The following HAUS2 variants were observed in gnomAD, a reference collection of about 807,000 sequenced individuals.
HAUS2 encodes the protein HAUS augmin-like complex subunit 2.
Under a neutral mutation model 21.6 loss-of-function variants are expected in HAUS2, and 20 were observed. That is an observed-to-expected ratio of 0.93 (90% CI 0.65 to 1.35). The LOEUF is 1.35. Among genes scored for constraint, HAUS2 ranks in the 40% most tolerant of loss-of-function variants. The pLI, the probability that HAUS2 is intolerant of heterozygous loss-of-function variation, is 0.00. For missense variants in HAUS2, 297 were observed against 280.7 expected (o/e 1.06, Z -0.42); for synonymous variants, 113 against 95.6 (o/e 1.18, Z -1.06).
At chr15:42,549,351 T>G (rs2057695571) in intron 1 of HAUS2, among the ~76,000 whole-genome samples, 1 of 151,960 alleles carries the variant, frequency 6.6e-6, no homozygotes. Flanking sequence ...ACAACCCTCG[T>G]TTGTGGGAAG....
chr15:42,551,366 T>A (rs1185676560), intron 1 of HAUS2, among the ~76,000 whole-genome samples: 1 of 152,008 alleles, frequency 6.6e-6, no homozygotes, highest in Non-Finnish European at 1.5e-5. Context: ...AGAAAACATT[T>A]TTGAGGGTTC....
intron 3 of HAUS2, among the ~76,000 whole-genome samples, chr15:42,560,202 G>A (rs1328878888): frequency 1.3e-5 from 2 of 152,130 alleles, no homozygotes; most frequent in African/African-American, 4.8e-5. Flanking sequence ...GGGATACTTA[G>A]TGATGTTTAA....
chr15:42,565,284 G>A (rs976961975), intron 5 of HAUS2, among the ~76,000 whole-genome samples: 2 of 152,148 alleles, frequency 1.3e-5, no homozygotes, highest in Non-Finnish European at 2.9e-5. Flanking sequence ...TGGCTGATGC[G>A]TAAAGGTATT....
In HAUS2 at chr15:42,561,353, TTGAAACCCATG is replaced by T; in HGVS notation, c.343_353del (p.Lys115ProfsTer7). On this transcript the variant is annotated frameshift_variant, in exon 4 of 6. Coordinates refer to ENST00000260372, the MANE Select transcript of HAUS2 (RefSeq NM_018097.3). LOFTEE classifies it high-confidence loss of function. ...GAAGAGATCCCTTAGGCAAAGACTG[TTGAAACCCATG>T]TGCCAGGAAAACTTACCTATTGAAG... 3 of 1,598,432 alleles carry T rather than the reference TTGAAACCCATG, an allele frequency of 1.9e-6. No individual in the cohort carries two copies. The South Asian group carries it at 3.3e-5, about 18-fold the overall frequency.
intron 3 of HAUS2, among the ~76,000 whole-genome samples, chr15:42,560,386 T>TGG (rs774013629): frequency 6.9e-6 from 1 of 145,292 alleles, no homozygotes; most frequent in Non-Finnish European, 1.5e-5. Context: ...CAGCAAAAAT[T>TGG]AGAGAGAGAG....
intron 1 of HAUS2, among the ~76,000 whole-genome samples, chr15:42,550,947 G>A (rs934646416): frequency 2.0e-5 from 3 of 150,798 alleles, no homozygotes; most frequent in Admixed American, 6.6e-5. Flanking sequence ...GATTACAGGC[G>A]TGAGCCACTG....
chr15:42,568,366 T>C lies in HAUS2; in HGVS notation c.*1550T>C, dbSNP rs2057927072. 6.6e-6 allele frequency: 1 copy of C among 152,230 alleles called. No individual in the cohort carries two copies. The highest frequency in any genetic ancestry group is 1.5e-5 in the Non-Finnish European group (1 of 68,052). 9.4% of individuals were successfully genotyped at this position (152,230 alleles called of 1,614,324 possible). A position where few individuals can be genotyped will look rare whatever the true frequency, so the allele number is the denominator to read the frequency against. On this transcript the variant is annotated 3_prime_UTR_variant, in exon 6 of 6. Coordinates refer to ENST00000260372, the MANE Select transcript of HAUS2 (RefSeq NM_018097.3). ...TCTTGCCATGGCAGAAGGCACCACA[T>C]GGCAAGTGAGCATGAGAAAGATATA...
rs1022680916 is a variant in HAUS2, at chr15:42,548,909, C to T, written c.37C>T (p.Pro13Ser). The T allele has an allele frequency of 1.9e-5, 30 of 1,551,216 alleles. No homozygotes were observed. In the Admixed American group the frequency reaches 5.5e-4, roughly 28 times the overall value. Residue 13 changes from proline to serine, a missense_variant, in exon 1 of 6, where the codon CCT becomes TCT. Pro to Ser is a moderately conservative substitution (Grantham distance 74, BLOSUM62 -1). Coordinates refer to ENST00000260372, the MANE Select transcript of HAUS2 (RefSeq NM_018097.3). ...AANPWDPASA[P>S]NGAGLVLGHF... ...CAACCCGTGGGACCCGGCGTCCGCGCCTAACGGCGCTGGGCTAGTGCTAGG... is the reference window on the plus strand; with the variant it reads ...CAACCCGTGGGACCCGGCGTCCGCGTCTAACGGCGCTGGGCTAGTGCTAGG...
chr15:42,550,295 A>AG (rs1378470787), intron 1 of HAUS2, among the ~76,000 whole-genome samples: 1 of 151,728 alleles, frequency 6.6e-6, no homozygotes, highest in Non-Finnish European at 1.5e-5. Context: ...AAAAAAAAAA[A>AG]AAAAAAAGCA....
At chr15:42,550,118 A>G (rs1224796542) in intron 1 of HAUS2, among the ~76,000 whole-genome samples, 1 of 152,104 alleles carries the variant, frequency 6.6e-6, no homozygotes, top group East Asian at 1.9e-4. Flanking sequence ...AGCACATATT[A>G]GCCGGCATGG....
intron 2 of HAUS2, among the ~76,000 whole-genome samples, 158 bp from the exon 3 acceptor site, chr15:42,559,181 C>G (rs545649165): frequency 1.3e-5 from 2 of 148,370 alleles, no homozygotes; most frequent in South Asian, 4.4e-4. Context: ...GTCACCCATA[C>G]TGGAGTGCAG....
chr15:42,559,550 A>T, intron 3 of HAUS2, 142 bp downstream of exon 3: 1 of 617,980 alleles, frequency 1.6e-6, no homozygotes, highest in East Asian at 2.8e-5. Flanking sequence ...TTGTATTTCT[A>T]TGCTGAAATA....
intron 1 of HAUS2, among the ~76,000 whole-genome samples, chr15:42,552,271 G>T (rs560213913): frequency 6.6e-6 from 1 of 152,102 alleles, no homozygotes; most frequent in East Asian, 1.9e-4. Flanking sequence ...TGATCCACCC[G>T]CCTCGGCCTC....
At chr15:42,558,018 G>C (rs1211483150) in intron 1 of HAUS2, among the ~76,000 whole-genome samples, 180 bp from the exon 2 acceptor site, 1 of 151,878 alleles carries the variant, frequency 6.6e-6, no homozygotes, top group Non-Finnish European at 1.5e-5. Flanking sequence ...CAAGTGATTT[G>C]TGATGGTGAA....
intron 2 of HAUS2, 44 bp downstream of exon 2, chr15:42,558,334 T>G (rs2057810016): frequency 3.7e-6 from 3 of 809,026 alleles, no homozygotes; most frequent in Non-Finnish European, 6.0e-6. Flanking sequence ...TTTTTTTTTT[T>G]TTTTGAGACG....
intron 4 of HAUS2, among the ~76,000 whole-genome samples, chr15:42,561,902 T>A (rs1293255191): frequency 6.6e-6 from 1 of 152,138 alleles, no homozygotes; most frequent in Non-Finnish European, 1.5e-5. Context: ...AGAATAGAGA[T>A]GAGTTCTATT....
At chr15:42,557,497 G>GTATACAATGTATATTA (rs2057798953) in intron 1 of HAUS2, among the ~76,000 whole-genome samples, 1 of 35,180 alleles carries the variant, frequency 2.8e-5, no homozygotes, top group African/African-American at 6.6e-5. Flanking sequence ...TATATACATT[G>GTATACAATGTATATTA]TATATAATGT....
At chr15:42,556,232 G>A (rs2057772924) in intron 1 of HAUS2, among the ~76,000 whole-genome samples, 1 of 142,514 alleles carries the variant, frequency 7.0e-6, no homozygotes, top group African/African-American at 2.7e-5. Context: ...AAAATGTTGG[G>A]ATTACAGGTG....
chr15:42,565,026 G>T (rs2057892199), intron 5 of HAUS2, among the ~76,000 whole-genome samples: 2 of 152,054 alleles, frequency 1.3e-5, no homozygotes, highest in Admixed American at 1.3e-4. Flanking sequence ...TAGTAGAGAC[G>T]GGGTTTTGCC....
Sources: gnomAD v4.1 joint callset for allele counts (sites outside exome capture counted in the v4.1 genomes callset) on GRCh38, gnomAD v4.1.1 for gene constraint, MANE v1.5 for transcripts, NCBI Gene and HGNC (gene_info 2026-07-23, HGNC 2026-07-21) for gene names.